Variants in FGF12 observed in about 807,000 individuals in gnomAD.
The protein encoded by FGF12 is fibroblast growth factor 12B.
Under a neutral mutation model 23.6 loss-of-function variants are expected in FGF12, and 14 were observed. The observed-to-expected ratio is 0.59, with a 90% CI of 0.39 to 0.93. The LOEUF is 0.93. Ranked by LOEUF, FGF12 falls within the 40% of genes least tolerant of loss-of-function variation. The probability of loss-of-function intolerance (pLI) is 0.00; values close to 1 mark genes in which losing one functional copy is unlikely to be tolerated. For missense variants in FGF12, 175 were observed against 217.8 expected (o/e 0.80, Z 1.24); for synonymous variants, 62 against 77.3 (o/e 0.80, Z 1.04).
At chr3:192,704,819 T>C (rs1354580504) in intron 2 of FGF12, among the ~76,000 whole-genome samples, 4 of 152,248 alleles carry the variant, frequency 2.6e-5, no homozygotes. Flanking sequence ...TATTTTTGTA[T>C]AACTTGCTGC....
At chr3:192,643,892 T>C (rs992982919) in intron 2 of FGF12, among the ~76,000 whole-genome samples, 22 of 152,178 alleles carry the variant, frequency 1.4e-4, no homozygotes, top group African/African-American at 5.3e-4. Context: ...ACAAAATAAA[T>C]GGGTCTTGAT....
chr3:192,146,147 AT>A (rs1713691271), intron 5 of FGF12, among the ~76,000 whole-genome samples: 1 of 152,232 alleles, frequency 6.6e-6, no homozygotes, highest in Admixed American at 6.5e-5. Context: ...AGATTGCTAA[AT>A]CAGAATCTCA....
At chr3:192,726,899 T>A in intron 2 of FGF12, 1 of 515,828 alleles carries the variant, frequency 1.9e-6, no homozygotes, top group Non-Finnish European at 3.5e-6. Flanking sequence ...TACCTCCTCC[T>A]CCTCCTCCAT....
chr3:192,166,217 A>C (rs1376423055), intron 5 of FGF12, among the ~76,000 whole-genome samples: 1 of 152,214 alleles, frequency 6.6e-6, no homozygotes, highest in Non-Finnish European at 1.5e-5. Flanking sequence ...GAGAATCATA[A>C]GGTAATTGTT....
rs1441652733 is a variant in FGF12, at chr3:192,235,946, T to C, written c.229-65290A>G. On this transcript the variant is annotated intron_variant, in intron 4 of 5. Coordinates refer to ENST00000445105, the MANE Select transcript of FGF12 (RefSeq NM_004113.6). ...GTGTTTCTAACTCCTCTAGTTGTAA[T>C]GTTAGGTTGTTAATTTCAGATCTTT... 3.3e-5 allele frequency among the ~76,000 whole-genome samples: 5 copies of C among 152,328 alleles called. No individual in the cohort carries two copies. The East Asian group carries it at 7.7e-4, about 24-fold the overall frequency.
chr3:192,552,665 C>T (rs1711578892), intron 2 of FGF12, among the ~76,000 whole-genome samples: 1 of 152,134 alleles, frequency 6.6e-6, no homozygotes, highest in Non-Finnish European at 1.5e-5. Flanking sequence ...CCGAGGCTGG[C>T]AGGTCACCTG....
chr3:192,422,887 A>G (rs370312360), intron 2 of FGF12, among the ~76,000 whole-genome samples: 1 of 152,172 alleles, frequency 6.6e-6, no homozygotes, highest in African/African-American at 2.4e-5. Flanking sequence ...AGTGATGGCT[A>G]TGATAGCTCT....
chr3:192,291,137 C>T (rs940862730), intron 4 of FGF12, among the ~76,000 whole-genome samples: 4 of 152,082 alleles, frequency 2.6e-5, no homozygotes, highest in Non-Finnish European at 4.4e-5. Context: ...TTATTATCTT[C>T]TGGTGATTTA....
At chr3:192,505,757 T>C (rs1021044425) in intron 2 of FGF12, among the ~76,000 whole-genome samples, 4 of 152,216 alleles carry the variant, frequency 2.6e-5, no homozygotes, top group African/African-American at 9.6e-5. Context: ...CTGCGGTTAA[T>C]TGAAAAATCA....
chr3:192,698,019 A>G (rs1718179067), intron 2 of FGF12, among the ~76,000 whole-genome samples: 1 of 151,822 alleles, frequency 6.6e-6, no homozygotes, highest in African/African-American at 2.4e-5. Flanking sequence ...ACTTGCCAAC[A>G]TCTGACATAA....
rs181762070 is a variant in FGF12, at chr3:192,640,476, G to T, written c.13+86705C>A. On this transcript the variant is annotated intron_variant, in intron 2 of 5. Coordinates refer to ENST00000445105, the MANE Select transcript of FGF12 (RefSeq NM_004113.6). ...TAAGTAAAGATGAACTCCAACAGAG[G>T]TAGGTTATTCAGAGCCATTAAATCA... Among the ~76,000 whole-genome samples the T allele has an allele frequency of 6.3e-4, 96 of 152,192 alleles. 1 individual carries two copies. In the East Asian group the frequency reaches 0.013, roughly 21 times the overall value.
chr3:192,454,455 A>G (rs1162409581), intron 2 of FGF12, among the ~76,000 whole-genome samples: 1 of 152,214 alleles, frequency 6.6e-6, no homozygotes, highest in African/African-American at 2.4e-5. Flanking sequence ...TCTGGTACAA[A>G]TACAGTCTAG....
chr3:192,623,591 G>A (rs552624105), intron 2 of FGF12, among the ~76,000 whole-genome samples: 1 of 152,310 alleles, frequency 6.6e-6, no homozygotes, highest in African/African-American at 2.4e-5. Context: ...TGCAGAAAGA[G>A]CAAGGCTCTA....
intron 2 of FGF12, among the ~76,000 whole-genome samples, chr3:192,531,906 A>G (rs1725098099): frequency 6.6e-6 from 1 of 152,180 alleles, no homozygotes; most frequent in Admixed American, 6.5e-5. Flanking sequence ...CTAGACACTC[A>G]GCATTAGACC....
chr3:192,657,392 C>T (rs1716467943), intron 2 of FGF12, among the ~76,000 whole-genome samples: 1 of 149,124 alleles, frequency 6.7e-6, no homozygotes, highest in African/African-American at 2.5e-5. Flanking sequence ...AGAGTTGGAA[C>T]TGCCTCTTTT....
chr3:192,352,497 T>C (rs1718272484), intron 3 of FGF12, among the ~76,000 whole-genome samples: 1 of 152,234 alleles, frequency 6.6e-6, no homozygotes, highest in Non-Finnish European at 1.5e-5. Context: ...ATTTTATGAA[T>C]CACTGACTTA....
chr3:192,597,349 C>T (rs536826726), intron 2 of FGF12, among the ~76,000 whole-genome samples: 91 of 152,280 alleles, frequency 6.0e-4, no homozygotes, highest in South Asian at 8.3e-4. Flanking sequence ...TATTGCAATA[C>T]TAATACAGTT....
At position 192,622,317 on chromosome 3, in the gene FGF12, G is replaced by A. The variant is rs143914699; in HGVS notation, c.13+104864C>T. On this transcript the variant is annotated intron_variant, in intron 2 of 5. Transcript: ENST00000445105. ...ATGGAGCCATTCTAGAGTTATCATC[G>A]AACCGATGAGACAGTAGGTAAGTCA... is the stretch of plus-strand genomic sequence containing the variant. Among the ~76,000 whole-genome samples the A allele has an allele frequency of 7.9e-5, 12 of 152,210 alleles. No individual in the cohort carries two copies. In the South Asian group the frequency reaches 8.3e-4, roughly 11 times the overall value.
intron 4 of FGF12, among the ~76,000 whole-genome samples, chr3:192,236,047 G>C (rs1719277542): frequency 6.6e-6 from 1 of 152,056 alleles, no homozygotes; most frequent in Non-Finnish European, 1.5e-5. Context: ...CAGAGATTCT[G>C]TTTGTTGTAT....
Sources: allele counts gnomAD v4.1 joint callset (sites outside exome capture counted in the v4.1 genomes callset), GRCh38; gene constraint gnomAD v4.1.1; transcripts MANE v1.5; gene names NCBI Gene and HGNC (gene_info 2026-07-23, HGNC 2026-07-21).